SCG3: variants seen among roughly 807,000 people sequenced by gnomAD.
The protein encoded by SCG3 is secretogranin III.
A neutral mutation model predicts 56.2 loss-of-function variants in SCG3; 38 were observed. That is an observed-to-expected ratio of 0.68 (90% CI 0.52 to 0.89). The LOEUF (loss-of-function observed/expected upper bound fraction) is 0.89. Ranked by LOEUF, SCG3 falls within the 40% of genes least tolerant of loss-of-function variation. SCG3 has a pLI of 0.00. For missense variants in SCG3, 524 were observed against 540.7 expected (o/e 0.97, Z 0.31); for synonymous variants, 176 against 184.2 (o/e 0.96, Z 0.36).
intron 6 of SCG3, 61 bp downstream of exon 6, chr15:51,689,429 GTGTACT>G: frequency 1.3e-6 from 2 of 1,499,646 alleles, no homozygotes; most frequent in South Asian, 1.3e-5. Context: ...GTGTGTGTGT[GTGTACT>G]TCTATCTGTA....
intron 9 of SCG3, among the ~76,000 whole-genome samples, chr15:51,700,712 C>T (rs2055333902): frequency 6.6e-6 from 1 of 152,146 alleles, no homozygotes; most frequent in Non-Finnish European, 1.5e-5. Context: ...AATCAAGACC[C>T]ACCAAATGTA....
chr15:51,683,577 CT>C, intron 4 of SCG3, 143 bp downstream of exon 4: 1 of 537,596 alleles, frequency 1.9e-6, no homozygotes. Flanking sequence ...CATATATTTA[CT>C]GATAACATGT....
At chr15:51,685,756 T>C (rs2055224901) in intron 4 of SCG3, among the ~76,000 whole-genome samples, 2 of 152,244 alleles carry the variant, frequency 1.3e-5, no homozygotes, top group Non-Finnish European at 2.9e-5. Flanking sequence ...AACAGGCTTG[T>C]ACTATAGGAC....
chr15:51,713,131 G>A (rs971227531), intron 10 of SCG3: 5 of 369,038 alleles, frequency 1.4e-5, no homozygotes, highest in East Asian at 6.5e-5. Context: ...AACCTCATCC[G>A]CACCTGCTCT....
chr15:51,698,564 G>A (rs753658718), intron 8 of SCG3, among the ~76,000 whole-genome samples: 38 of 152,216 alleles, frequency 2.5e-4, no homozygotes, highest in Non-Finnish European at 4.6e-4. Context: ...TTTGGCTTAA[G>A]CAAGAAAGGA....
rs2305709 is a variant in SCG3 at position 51,683,388 on chromosome 15, C to A, written c.351C>A (p.Ile117=). 11,575 of 1,613,252 alleles carry A rather than the reference C, an allele frequency of 7.2e-3. 443 individuals carry two copies. The East Asian group carries it at 0.11, about 15-fold the overall frequency. ...DVDSTKNRKL[I]DDYDSTKSGL... The stretch of plus-strand genomic sequence containing the variant: ...ATTCAACCAAGAATCGAAAACTGAT[C>A]GATGATTATGACTCTACTAAGAGTG... Residue 117 remains isoleucine (I), a synonymous_variant, in exon 4 of 12, where the codon ATC becomes ATA. Coordinates refer to ENST00000220478, the MANE Select transcript of SCG3 (RefSeq NM_013243.4).
chr15:51,712,668 C>T (rs868011347), intron 10 of SCG3, among the ~76,000 whole-genome samples: 2 of 152,208 alleles, frequency 1.3e-5, no homozygotes, highest in African/African-American at 2.4e-5. Flanking sequence ...AAGGGCATCA[C>T]AGAGTAGGTG....
intron 4 of SCG3, among the ~76,000 whole-genome samples, chr15:51,685,876 T>C (rs2055225659): frequency 6.6e-6 from 1 of 152,232 alleles, no homozygotes; most frequent in Non-Finnish European, 1.5e-5. Flanking sequence ...CGAATATTTA[T>C]TGAGCAATTG....
chr15:51,713,500 T>C (rs149039890), intron 11 of SCG3, 87 bp downstream of exon 11: 3 of 873,330 alleles, frequency 3.4e-6, no homozygotes, highest in African/African-American at 3.5e-5. Flanking sequence ...TCAAATTGAC[T>C]GTGCTAAAGT....
At chr15:51,719,193 G>A (rs1486273456) in intron 11 of SCG3, among the ~76,000 whole-genome samples, 1 of 152,158 alleles carries the variant, frequency 6.6e-6, no homozygotes, top group African/African-American at 2.4e-5. Flanking sequence ...CATCTCACAG[G>A]GTTGTGATGA....
chr15:51,684,515 T>C lies in SCG3; in HGVS notation c.397+1081T>C, dbSNP rs182466439. Among the ~76,000 whole-genome samples the C allele has an allele frequency of 2.6e-3, 399 of 152,322 alleles. 1 individual carries two copies. The highest frequency in any genetic ancestry group is 4.2e-3 in the Non-Finnish European group (283 of 68,022). ...TCACTTGAACCCAGGAGACAAGGGC[T>C]GCAGTGAGCCAAGACCACGCCACTG... is the stretch of plus-strand genomic sequence containing the variant. On this transcript the variant is annotated intron_variant, in intron 4 of 11. Transcript: ENST00000220478.
intron 11 of SCG3, among the ~76,000 whole-genome samples, chr15:51,716,019 G>C (rs1010671729): frequency 1.3e-5 from 2 of 152,108 alleles, no homozygotes; most frequent in Non-Finnish European, 2.9e-5. Flanking sequence ...CACCATGCCT[G>C]GCTAATTTTT....
intron 10 of SCG3, among the ~76,000 whole-genome samples, chr15:51,706,169 A>G (rs1481745316): frequency 1.3e-5 from 2 of 152,236 alleles, no homozygotes; most frequent in Non-Finnish European, 2.9e-5. Context: ...GTCTCTAGGT[A>G]GAAAAAGAAA....
intron 11 of SCG3, among the ~76,000 whole-genome samples, chr15:51,715,829 G>C (rs992311336): frequency 6.6e-6 from 1 of 151,458 alleles, no homozygotes. Flanking sequence ...CAAATCACTG[G>C]ACCTCTTCAC....
chr15:51,681,885 A>G, intron 1 of SCG3, 48 bp downstream of exon 1: 2 of 1,520,122 alleles, frequency 1.3e-6, no homozygotes, highest in Non-Finnish European at 1.8e-6. Context: ...TTTCGCCACG[A>G]AAAGGTAAAG....
intron 8 of SCG3, among the ~76,000 whole-genome samples, chr15:51,697,771 C>A (rs948599768): frequency 6.6e-6 from 1 of 152,092 alleles, no homozygotes; most frequent in African/African-American, 2.4e-5. Flanking sequence ...TATTGTTTAT[C>A]AAGACTTACA....
intron 4 of SCG3, among the ~76,000 whole-genome samples, chr15:51,684,319 C>T (rs1206600363): frequency 2.0e-5 from 3 of 152,234 alleles, no homozygotes; most frequent in Non-Finnish European, 4.4e-5. Flanking sequence ...CTCTCCCCAA[C>T]TCATTCTTCA....
intron 2 of SCG3, among the ~76,000 whole-genome samples, chr15:51,682,797 C>A (rs2055203144): frequency 6.6e-6 from 1 of 152,082 alleles, no homozygotes; most frequent in African/African-American, 2.4e-5. Context: ...TATATAATAA[C>A]CCAGTAAGCT....
At chr15:51,719,282 C>T in intron 11 of SCG3, 126 bp from the exon 12 acceptor site, 1 of 674,702 alleles carries the variant, frequency 1.5e-6, no homozygotes, top group South Asian at 1.9e-5. Context: ...AAAATGCCTC[C>T]CGATGTGAAA....
Sources: gnomAD v4.1 joint callset for allele counts (sites outside exome capture counted in the v4.1 genomes callset) on GRCh38, gnomAD v4.1.1 for gene constraint, MANE v1.5 for transcripts, NCBI Gene and HGNC (gene_info 2026-07-23, HGNC 2026-07-21) for gene names.